LRP1B: variants seen among roughly 807,000 people sequenced by gnomAD.
LRP1B encodes low-density lipoprotein receptor-related protein 1B.
LRP1B carries 217 observed loss-of-function variants against 556.6 expected under a neutral mutation model. That is an observed-to-expected ratio of 0.39 (90% confidence interval 0.35 to 0.44). The LOEUF is 0.44. Ranked by LOEUF, LRP1B falls within the 20% of genes least tolerant of loss-of-function variation. LRP1B has a pLI of 1.00. For synonymous variants in LRP1B, 2,047 were observed against 1,865.8 expected (o/e 1.10, Z -2.50); for missense variants, 5,053 against 5,620.8 (o/e 0.90, Z 3.23).
chr2:141,733,506 C>A (rs891564700), intron 2 of LRP1B, among the ~76,000 whole-genome samples: 3 of 152,104 alleles, frequency 2.0e-5, no homozygotes, highest in South Asian at 2.1e-4. Flanking sequence ...TTTCAGATGA[C>A]CTTCATATGC....
At chr2:141,890,404 T>TATATGTATTGTGTATATATAA (rs1699256938) in intron 1 of LRP1B, among the ~76,000 whole-genome samples, 1 of 147,354 alleles carries the variant, frequency 6.8e-6, no homozygotes, top group Non-Finnish European at 1.5e-5. Context: ...TATATATATA[T>TATATGTATTGTGTATATATAA]ATATACTGAA....
At chr2:141,067,583 A>G (rs150450116) in intron 7 of LRP1B, among the ~76,000 whole-genome samples, 5 of 152,042 alleles carry the variant, frequency 3.3e-5, no homozygotes, top group Non-Finnish European at 5.9e-5. Flanking sequence ...ATGTCAGGCA[A>G]TGTGGCTGAC....
chr2:140,570,261 T>A (rs1681275108), intron 43 of LRP1B, among the ~76,000 whole-genome samples: 1 of 147,220 alleles, frequency 6.8e-6, no homozygotes, highest in Non-Finnish European at 1.5e-5. Flanking sequence ...TACAAAAAGG[T>A]AAACAAAATT....
chr2:140,677,876 CAAAA>C (rs56656451), intron 41 of LRP1B, among the ~76,000 whole-genome samples: 2 of 75,268 alleles, frequency 2.7e-5, no homozygotes, highest in Admixed American at 1.3e-4. Context: ...AACTATGTCT[CAAAA>C]AAAAAAAAAA....
chr2:141,527,506 C>T (rs1473853324), intron 2 of LRP1B, among the ~76,000 whole-genome samples: 1 of 151,940 alleles, frequency 6.6e-6, no homozygotes, highest in Admixed American at 6.6e-5. Flanking sequence ...TATATCAAGC[C>T]ATCTATATCT....
chr2:140,406,054 T>C (rs1684720526), intron 66 of LRP1B, among the ~76,000 whole-genome samples: 2 of 152,314 alleles, frequency 1.3e-5, no homozygotes, highest in South Asian at 4.1e-4. Context: ...AATCCGTTAA[T>C]GTGATACTTC....
At chr2:140,662,214 G>C (rs907880930) in intron 41 of LRP1B, among the ~76,000 whole-genome samples, 4 of 151,912 alleles carry the variant, frequency 2.6e-5, no homozygotes, top group African/African-American at 9.7e-5. Flanking sequence ...AAAAATTCCA[G>C]TTCACTTGAC....
At position 140,545,927 on chromosome 2, in the gene LRP1B, G is replaced by A. The variant is rs901773785; in HGVS notation, c.7195-3956C>T. Among the ~76,000 whole-genome samples the A allele has an allele frequency of 1.3e-4, 20 of 151,354 alleles. 1 individual carries two copies. Among genetic ancestry groups the A allele is most frequent in the Admixed American group, 1.3e-3 (19 of 15,168 alleles). On this transcript the variant is annotated intron_variant, in intron 43 of 90. Transcript: ENST00000389484. ...TTTTCCATTTACTTGTGTCACCTCC[G>A]ACTTCATTGAGCAGTGTTTTGTAGT...
intron 31 of LRP1B, among the ~76,000 whole-genome samples, chr2:140,832,476 CTATT>C (rs1691750451): frequency 6.6e-6 from 1 of 152,112 alleles, no homozygotes; most frequent in South Asian, 2.1e-4. Context: ...TATTGCAACA[CTATT>C]TACAATAATC....
intron 43 of LRP1B, among the ~76,000 whole-genome samples, chr2:140,595,318 C>A (rs1682399528): frequency 6.6e-6 from 1 of 151,652 alleles, no homozygotes; most frequent in Non-Finnish European, 1.5e-5. Context: ...TCAAGGCGAA[C>A]TAACAATAAC....
At chr2:142,080,534 A>G (rs1021637352) in intron 1 of LRP1B, among the ~76,000 whole-genome samples, 2 of 151,922 alleles carry the variant, frequency 1.3e-5, no homozygotes, top group Non-Finnish European at 2.9e-5. Flanking sequence ...TAAAAAAAAT[A>G]AATAAATAAA....
At chr2:141,572,851 G>T (rs931537861) in intron 2 of LRP1B, among the ~76,000 whole-genome samples, 1 of 152,142 alleles carries the variant, frequency 6.6e-6, no homozygotes, top group African/African-American at 2.4e-5. Flanking sequence ...AGACAAAAAA[G>T]GGAATTACAT....
Position 140,356,389 on chromosome 2 carries a change from C to T in LRP1B, c.11483G>A (p.Arg3828His), listed in dbSNP as rs3748867. Residue 3828 changes from arginine (R) to histidine (H), a missense_variant, in exon 75 of 91, where the codon CGC (arginine) becomes CAC (histidine). Transcript: ENST00000389484. ...CNQIKTSVFC[R>H]CKPGFQRNMK... The stretch of plus-strand genomic sequence containing the variant: ...GTTTCTCTGAAATCCAGGCTTACAG[C>T]GACAGAAAACAGATGTTTTTATTTG... 124 of 1,610,592 alleles carry T rather than the reference C, an allele frequency of 7.7e-5. No individual in the cohort carries two copies. In the African/African-American group the frequency reaches 1.4e-3, roughly 18 times the overall value.
chr2:140,695,784 G>A (rs900027725), intron 41 of LRP1B, among the ~76,000 whole-genome samples: 1 of 152,082 alleles, frequency 6.6e-6, no homozygotes. Context: ...CTTCCAAAGG[G>A]TAGAAGGAAG....
chr2:141,230,987 G>C lies in LRP1B; in HGVS notation c.593-1547C>G, dbSNP rs1320588621. Among the ~76,000 whole-genome samples the C allele has an allele frequency of 2.0e-5, 3 of 152,220 alleles. No individual in the cohort carries two copies. In the East Asian group the frequency reaches 5.8e-4, roughly 29 times the overall value. ...AGTGATCATTCAATACCGATTTTCT[G>C]AATAAATAAAAAGGACACATGGAAT... On this transcript the variant is annotated intron_variant, in intron 5 of 90. Transcript: ENST00000389484.
At chr2:140,760,801 G>T (rs1359145166) in intron 35 of LRP1B, among the ~76,000 whole-genome samples, 1 of 152,046 alleles carries the variant, frequency 6.6e-6, no homozygotes. Context: ...CAGGAGAAAT[G>T]CCTCTTGAAC....
At chr2:140,793,537 A>G (rs1690195655) in intron 32 of LRP1B, among the ~76,000 whole-genome samples, 1 of 152,006 alleles carries the variant, frequency 6.6e-6, no homozygotes, top group Admixed American at 6.6e-5. Context: ...CTGACTAGAA[A>G]TATATATGTG....
intron 1 of LRP1B, among the ~76,000 whole-genome samples, chr2:141,828,750 G>A (rs1697016910): frequency 6.6e-6 from 1 of 152,122 alleles, no homozygotes; most frequent in Non-Finnish European, 1.5e-5. Context: ...CCATAGGGAT[G>A]ACAGTAAATC....
chr2:140,541,992 G>A (rs1680154033), intron 43 of LRP1B, 21 bp from the exon 44 acceptor site: 2 of 1,544,604 alleles, frequency 1.3e-6, no homozygotes, highest in Non-Finnish European at 1.8e-6. Flanking sequence ...TTAAAATACT[G>A]TATTTTTATG....
Sources: allele counts gnomAD v4.1 joint callset (sites outside exome capture counted in the v4.1 genomes callset), GRCh38; gene constraint gnomAD v4.1.1; transcripts MANE v1.5; gene names NCBI Gene and HGNC (gene_info 2026-07-23, HGNC 2026-07-21).